CERS6: variants seen among roughly 807,000 people sequenced by gnomAD.
The protein encoded by CERS6 is ceramide synthase 6.
A neutral mutation model predicts 56.8 loss-of-function variants in CERS6; 26 were observed. The ratio of observed to expected loss-of-function variants is 0.46; its 90% CI spans 0.34 to 0.63. The LOEUF is 0.63. Ranked by LOEUF, CERS6 falls within the 30% of genes least tolerant of loss-of-function variation. The pLI is 0.01. For missense variants in CERS6, 415 were observed against 467.5 expected (o/e 0.89, Z 1.04); for synonymous variants, 164 against 173.3 (o/e 0.95, Z 0.42).
chr2:168,569,932 G>A (rs745372433), intron 3 of CERS6, among the ~76,000 whole-genome samples: 5 of 152,160 alleles, frequency 3.3e-5, no homozygotes, highest in Non-Finnish European at 5.9e-5. Flanking sequence ...CATGGTATGG[G>A]GGTAGTGAGT....
At chr2:168,698,255 GAAAAAAAAAAAAAAAA>G (rs869056813) in intron 6 of CERS6, among the ~76,000 whole-genome samples, 2 of 17,954 alleles carry the variant, frequency 1.1e-4, no homozygotes, top group Admixed American at 8.8e-4. Context: ...AAAAAAAAAA[GAAAAAAAAAAAAAAAA>G]AAAAGAAACA....
chr2:168,575,836 C>T (rs957065055), intron 3 of CERS6, among the ~76,000 whole-genome samples: 1 of 152,120 alleles, frequency 6.6e-6, no homozygotes, highest in Non-Finnish European at 1.5e-5. Flanking sequence ...GTTCTGCCCA[C>T]CTGCCCCAAC....
rs35865470 is a variant in CERS6 at position 168,645,142 on chromosome 2, TAGAGAGAGAGAGAGAGAGAG to T, written c.465+14129_465+14148del. Among the ~76,000 whole-genome samples, 78 of 12,752 alleles carry T rather than the reference TAGAGAGAGAGAGAGAGAGAG, an allele frequency of 6.1e-3. 2 individuals carry two copies. Among genetic ancestry groups the T allele is most frequent in the African/African-American group, 0.019 (72 of 3,742 alleles). The allele number at this position is 12,752 out of a possible 152,430, so 8.4% of individuals were successfully genotyped here. ...ATATATATATATATATATATATATA[TAGAGAGAGAGAGAGAGAGAG>T]AGAGAGAGAGAGAGAGAGAGAGAGA... On this transcript the variant is annotated intron_variant, in intron 4 of 9. Coordinates refer to ENST00000305747, the MANE Select transcript of CERS6 (RefSeq NM_203463.3).
chr2:168,732,970 A>G (rs1683592088), intron 8 of CERS6, among the ~76,000 whole-genome samples: 1 of 151,170 alleles, frequency 6.6e-6, no homozygotes, highest in African/African-American at 2.4e-5. Context: ...TTACGTATGT[A>G]AAAAAAAAGA....
At chr2:168,749,336 C>T (rs1574218081) in intron 8 of CERS6, among the ~76,000 whole-genome samples, 1 of 152,158 alleles carries the variant, frequency 6.6e-6, no homozygotes, top group African/African-American at 2.4e-5. Context: ...TTTGTTCAGA[C>T]GGAATTTAAA....
chr2:168,538,788 G>A (rs879798052), intron 1 of CERS6, among the ~76,000 whole-genome samples: 3 of 152,182 alleles, frequency 2.0e-5, no homozygotes, highest in Non-Finnish European at 4.4e-5. Context: ...TCCCTCTGCA[G>A]ATAATTGTGC....
chr2:168,483,518 G>A (rs573584643), intron 1 of CERS6, among the ~76,000 whole-genome samples: 8 of 152,220 alleles, frequency 5.3e-5, no homozygotes, highest in African/African-American at 1.9e-4. Context: ...TTCAGAGTTG[G>A]CATCAAATAT....
intron 4 of CERS6, among the ~76,000 whole-genome samples, chr2:168,684,256 T>C (rs1181978993): frequency 6.6e-6 from 1 of 152,164 alleles, no homozygotes; most frequent in Non-Finnish European, 1.5e-5. Context: ...AGGGAGGGGT[T>C]ACTGCTGTGC....
chr2:168,637,462 A>G (rs934649456), intron 4 of CERS6, among the ~76,000 whole-genome samples: 4 of 152,222 alleles, frequency 2.6e-5, no homozygotes, highest in Non-Finnish European at 5.9e-5. Context: ...AGCCTGGGGC[A>G]ATAGAGTGAG....
chr2:168,526,086 TA>T (rs199513127), intron 1 of CERS6, among the ~76,000 whole-genome samples: 1 of 146,424 alleles, frequency 6.8e-6, no homozygotes, highest in African/African-American at 2.4e-5. Context: ...ACTAATCTCT[TA>T]AAAAATAATG....
At chr2:168,717,566 T>C (rs1687255533) in intron 7 of CERS6, among the ~76,000 whole-genome samples, 1 of 152,214 alleles carries the variant, frequency 6.6e-6, no homozygotes, top group Non-Finnish European at 1.5e-5. Flanking sequence ...GAATCTCTTA[T>C]TTTTCTCTCT....
At chr2:168,482,355 TG>T (rs1260038766) in intron 1 of CERS6, among the ~76,000 whole-genome samples, 1 of 152,248 alleles carries the variant, frequency 6.6e-6, no homozygotes, top group African/African-American at 2.4e-5. Flanking sequence ...TGAGTGAGTC[TG>T]TGCAGTTGTT....
At chr2:168,537,320 G>A (rs1036722481) in intron 1 of CERS6, among the ~76,000 whole-genome samples, 1 of 152,090 alleles carries the variant, frequency 6.6e-6, no homozygotes, top group African/African-American at 2.4e-5. Flanking sequence ...TACATCTGTG[G>A]CCTTTCTTCT....
intron 1 of CERS6, among the ~76,000 whole-genome samples, chr2:168,517,755 T>A (rs1694909490): frequency 6.6e-6 from 1 of 152,138 alleles, no homozygotes; most frequent in East Asian, 1.9e-4. Flanking sequence ...GAATTAATTT[T>A]AAAAAACCAT....
At chr2:168,762,762 C>T (rs974640025) in intron 8 of CERS6, among the ~76,000 whole-genome samples, 6 of 152,188 alleles carry the variant, frequency 3.9e-5, no homozygotes, top group African/African-American at 1.4e-4. Flanking sequence ...AAGACAACTA[C>T]TATGGCAGGG....
At chr2:168,681,383 A>G (rs4667586) in intron 4 of CERS6, among the ~76,000 whole-genome samples, 143,789 of 152,296 alleles carry the variant, frequency 0.94, 67,913 homozygotes, top group East Asian at 0.98. Context: ...TGTGCTATTA[A>G]TTTCAAGTTA....
intron 4 of CERS6, among the ~76,000 whole-genome samples, chr2:168,654,209 A>G (rs1447303955): frequency 2.0e-5 from 3 of 152,158 alleles, no homozygotes; most frequent in Non-Finnish European, 4.4e-5. Context: ...GGCTATAGGT[A>G]GTGTCTGTCA....
At chr2:168,551,345 C>T (rs1309877198) in intron 2 of CERS6, among the ~76,000 whole-genome samples, 2 of 152,330 alleles carry the variant, frequency 1.3e-5, no homozygotes, top group Middle Eastern at 3.4e-3. Context: ...TTTATAGAAA[C>T]TACTCCTATT....
At chr2:168,567,799 G>T (rs901242319) in intron 3 of CERS6, among the ~76,000 whole-genome samples, 1 of 152,212 alleles carries the variant, frequency 6.6e-6, no homozygotes, top group Non-Finnish European at 1.5e-5. Context: ...CCTGTCTCCA[G>T]TATTCCTGGG....
Sources: gnomAD v4.1 joint callset for allele counts (sites outside exome capture counted in the v4.1 genomes callset) on GRCh38, gnomAD v4.1.1 for gene constraint, MANE v1.5 for transcripts, NCBI Gene and HGNC (gene_info 2026-07-23, HGNC 2026-07-21) for gene names.